ZBBX: variants seen among roughly 807,000 people sequenced by gnomAD.
The protein encoded by ZBBX is zinc finger B-box domain-containing protein 1.
ZBBX carries 101 observed loss-of-function variants against 108.5 expected under a neutral mutation model. That is an observed-to-expected ratio of 0.93 (90% CI 0.79 to 1.10). ZBBX has a LOEUF of 1.10. ZBBX is among the 50% of genes least tolerant of loss of function. The pLI is 0.00. For missense variants in ZBBX, 1,009 were observed against 941.4 expected (o/e 1.07, Z -0.94); for synonymous variants, 356 against 323.4 (o/e 1.10, Z -1.08).
At chr3:167,199,460 T>C in the ZBBX span, among the ~76,000 whole-genome samples, 1 of 152,168 alleles carries the variant, frequency 6.6e-6, no homozygotes, top group Non-Finnish European at 1.5e-5. Flanking sequence ...CCATAGAAAT[T>C]AACATACATA....
chr3:167,382,552 C>T (rs975339036), upstream of ZBBX, among the ~76,000 whole-genome samples: 2 of 151,948 alleles, frequency 1.3e-5, no homozygotes, highest in Non-Finnish European at 2.9e-5. Context: ...TAAAAATTAC[C>T]GGCAATGCAG....
chr3:167,258,763 G>A (rs948083782), intron 20 of ZBBX, among the ~76,000 whole-genome samples: 1 of 152,108 alleles, frequency 6.6e-6, no homozygotes, highest in African/African-American at 2.4e-5. Flanking sequence ...TGTGTATGTG[G>A]TGCATCACAT....
At chr3:167,405,668 C>T (rs186415251) in intron 1 of ZBBX, among the ~76,000 whole-genome samples, 16 of 152,296 alleles carry the variant, frequency 1.1e-4, no homozygotes, top group South Asian at 4.1e-4. Flanking sequence ...GAACTCTTAA[C>T]CTGAAATTAG....
intron 1 of ZBBX, among the ~76,000 whole-genome samples, chr3:167,391,836 G>T (rs1416496639): frequency 2.0e-5 from 3 of 151,624 alleles, no homozygotes; most frequent in Non-Finnish European, 2.9e-5. Flanking sequence ...CTACTAGAAT[G>T]AAGATATATT....
chr3:167,326,414 T>C (rs1055778254), intron 11 of ZBBX, among the ~76,000 whole-genome samples: 2 of 152,164 alleles, frequency 1.3e-5, no homozygotes, highest in Admixed American at 6.6e-5. Flanking sequence ...TCTTGGTAAC[T>C]TTTTGTTATA....
chr3:167,275,801 T>C (rs1005206211), intron 20 of ZBBX, among the ~76,000 whole-genome samples: 4 of 152,186 alleles, frequency 2.6e-5, no homozygotes, highest in Non-Finnish European at 4.4e-5. Context: ...CCTGCCTGCC[T>C]CTGTAGGCTC....
chr3:167,293,842 CAA>C (rs1699699559), intron 18 of ZBBX, among the ~76,000 whole-genome samples: 1 of 152,196 alleles, frequency 6.6e-6, no homozygotes, highest in South Asian at 2.1e-4. Context: ...GCAACTTCAG[CAA>C]AGTCTCAGGA....
rs374736828 is a variant in ZBBX at position 167,251,959 on chromosome 3, C to CACACACACACACACACACA, written c.2255-9317_2255-9316insTGTGTGTGTGTGTGTGTGT. Among the ~76,000 whole-genome samples the CACACACACACACACACACA allele has an allele frequency of 2.0e-5, 3 of 151,320 alleles. 1 individual carries two copies. The highest frequency in any genetic ancestry group is 7.3e-5 in the African/African-American group (3 of 41,140). On this transcript the variant is annotated intron_variant, in intron 20 of 21. Transcript: ENST00000675490. Reference sequence around the variant, plus strand: ...ACACACACACACACACACACACACACATCTGTCCATGCTAGGTACTTCTAG... The same window carrying CACACACACACACACACACA: ...ACACACACACACACACACACACACACACACACACACACACACACAATCTGTCCATGCTAGGTACTTCTAG...
intron 16 of ZBBX, among the ~76,000 whole-genome samples, chr3:167,309,490 A>T (rs775492467): frequency 2.0e-5 from 3 of 152,248 alleles, no homozygotes; most frequent in Non-Finnish European, 4.4e-5. Flanking sequence ...TCTGATATCT[A>T]GACAGAGGTT....
chr3:167,186,641 A>G, the ZBBX span, among the ~76,000 whole-genome samples: 1 of 152,198 alleles, frequency 6.6e-6, no homozygotes, highest in Non-Finnish European at 1.5e-5. Context: ...AGAAGCACAG[A>G]TTCAAAATAA....
At chr3:167,269,880 C>G (rs1452251456) in intron 20 of ZBBX, among the ~76,000 whole-genome samples, 2 of 152,178 alleles carry the variant, frequency 1.3e-5, no homozygotes, top group African/African-American at 4.8e-5. Context: ...CTGGGCATGT[C>G]CCCTAGCTGA....
At chr3:167,310,891 G>A (rs1485766622) in intron 16 of ZBBX, among the ~76,000 whole-genome samples, 1 of 152,170 alleles carries the variant, frequency 6.6e-6, no homozygotes, top group African/African-American at 2.4e-5. Flanking sequence ...TGGATGGGAA[G>A]ATTTAATATT....
intron 2 of ZBBX, among the ~76,000 whole-genome samples, chr3:167,374,864 T>C (rs1466900993): frequency 1.3e-5 from 2 of 152,172 alleles, no homozygotes; most frequent in South Asian, 2.1e-4. Context: ...GATAAAGATA[T>C]GGATTAGATG....
intron 1 of ZBBX, among the ~76,000 whole-genome samples, chr3:167,396,706 T>C (rs1748245619): frequency 6.6e-6 from 1 of 152,038 alleles, no homozygotes; most frequent in Non-Finnish European, 1.5e-5. Context: ...GACACCCTAA[T>C]GTCTTTAAAG....
intron 11 of ZBBX, among the ~76,000 whole-genome samples, chr3:167,324,065 A>G (rs914461264): frequency 4.6e-5 from 7 of 152,168 alleles, no homozygotes; most frequent in African/African-American, 1.7e-4. Flanking sequence ...GTAATAAGAG[A>G]TACACAAAAT....
At chr3:167,351,646 A>C (rs1384758349) in intron 8 of ZBBX, among the ~76,000 whole-genome samples, 1 of 152,098 alleles carries the variant, frequency 6.6e-6, no homozygotes, top group Non-Finnish European at 1.5e-5. Flanking sequence ...TGGATATCAC[A>C]CAGAGGAATG....
rs571999495 is a variant in ZBBX, at chr3:167,270,768, G to A, written c.2254+11470C>T. On this transcript the variant is annotated intron_variant, in intron 20 of 21. Coordinates refer to ENST00000675490, the MANE Select transcript of ZBBX (RefSeq NM_001199201.2). The stretch of plus-strand genomic sequence containing the variant: ...TCAAAAAGCTGGGAGGTGGCTTACT[G>A]ACTCCAGAATCCTGAAATATGAAGT... Among the ~76,000 whole-genome samples the A allele has an allele frequency of 1.8e-4, 28 of 152,300 alleles. No homozygotes were observed. The East Asian group carries it at 5.4e-3, about 29-fold the overall frequency.
At chr3:167,361,716 T>A (rs1744538556) in intron 6 of ZBBX, among the ~76,000 whole-genome samples, 1 of 152,208 alleles carries the variant, frequency 6.6e-6, no homozygotes, top group South Asian at 2.1e-4. Flanking sequence ...AATTTTTCTA[T>A]GAACCACACT....
chr3:167,289,024 G>A, intron 18 of ZBBX, 41 bp from the exon 19 acceptor site: 1 of 1,408,366 alleles, frequency 7.1e-7, no homozygotes. Context: ...AGTTTGAAAA[G>A]AAGAAAATCC....
Sources: gnomAD v4.1 joint callset for allele counts (sites outside exome capture counted in the v4.1 genomes callset) on GRCh38, gnomAD v4.1.1 for gene constraint, MANE v1.5 for transcripts, NCBI Gene and HGNC (gene_info 2026-07-23, HGNC 2026-07-21) for gene names.